GPR158: variants seen among roughly 807,000 people sequenced by gnomAD.
GPR158 encodes the protein metabotropic glycine receptor.
Under a neutral mutation model 78.2 loss-of-function variants are expected in GPR158, and 30 were observed. That is an observed-to-expected ratio of 0.38 (90% CI 0.29 to 0.52). The LOEUF is 0.52. GPR158 is among the 20% of genes least tolerant of loss of function. GPR158 has a pLI of 0.83. For missense variants in GPR158, 1,463 were observed against 1,523.5 expected, an observed-to-expected ratio of 0.96 and a Z score of 0.66; for synonymous variants, 581 against 591.1, an observed-to-expected ratio of 0.98 and a Z score of 0.25.
At chr10:25,406,290 A>G (rs1014079543) in intron 3 of GPR158, among the ~76,000 whole-genome samples, 2 of 152,160 alleles carry the variant, frequency 1.3e-5, no homozygotes, top group East Asian at 1.9e-4. Flanking sequence ...CCAGCCTTCC[A>G]TCTTCTGGAA....
intron 5 of GPR158, among the ~76,000 whole-genome samples, chr10:25,527,213 A>G (rs1027021396): frequency 1.3e-5 from 2 of 152,230 alleles, no homozygotes; most frequent in Non-Finnish European, 2.9e-5. Context: ...ACCTTTGTGC[A>G]AAATAATGAT....
intron 6 of GPR158, 108 bp downstream of exon 6, chr10:25,551,193 T>C: frequency 1.4e-6 from 1 of 713,214 alleles, no homozygotes; most frequent in Non-Finnish European, 2.6e-6. Flanking sequence ...TTCAAGAATT[T>C]ACATAGCAAG....
intron 2 of GPR158, among the ~76,000 whole-genome samples, chr10:25,311,361 A>G (rs939247295): frequency 2.0e-5 from 3 of 151,886 alleles, no homozygotes; most frequent in Non-Finnish European, 4.4e-5. Context: ...TATGTTTTAA[A>G]GTTTTTCTCA....
intron 2 of GPR158, among the ~76,000 whole-genome samples, chr10:25,326,290 C>A (rs1855031107): frequency 6.6e-6 from 1 of 152,144 alleles, no homozygotes; most frequent in Admixed American, 6.5e-5. Flanking sequence ...TGATATTATT[C>A]CTTTTTATGG....
chr10:25,294,620 T>C (rs189307424), intron 2 of GPR158, among the ~76,000 whole-genome samples: 1 of 108,066 alleles, frequency 9.3e-6, no homozygotes, highest in Non-Finnish European at 2.4e-5. Context: ...GCAAGAGGAA[T>C]GTGGAAAAAA....
chr10:25,249,724 T>C (rs1340148435), intron 2 of GPR158, among the ~76,000 whole-genome samples: 2 of 152,182 alleles, frequency 1.3e-5, no homozygotes, highest in South Asian at 2.1e-4. Context: ...CAGTATTTTA[T>C]TGATGATTTT....
chr10:25,339,712 TG>T, intron 2 of GPR158, among the ~76,000 whole-genome samples: 1 of 152,202 alleles, frequency 6.6e-6, no homozygotes, highest in African/African-American at 2.4e-5. Context: ...TGTCATGAAG[TG>T]GTTGAATTTT....
intron 2 of GPR158, among the ~76,000 whole-genome samples, chr10:25,256,039 G>C (rs1317994520): frequency 6.6e-6 from 1 of 152,140 alleles, no homozygotes; most frequent in Non-Finnish European, 1.5e-5. Context: ...TAGAATTGAA[G>C]TGTTGAGTTA....
chr10:25,512,337 C>T (rs1484355284), intron 5 of GPR158, among the ~76,000 whole-genome samples: 1 of 152,006 alleles, frequency 6.6e-6, no homozygotes, highest in East Asian at 1.9e-4. Context: ...TCTGCTTGGT[C>T]ACTGTTGGAA....
chr10:25,587,757 G>A (rs1249820697), intron 7 of GPR158, among the ~76,000 whole-genome samples: 14 of 152,098 alleles, frequency 9.2e-5, no homozygotes, highest in Admixed American at 9.2e-4. Context: ...GGGTTTTAGA[G>A]TAGCTCCTGA....
At chr10:25,347,996 T>A (rs1281469214) in intron 2 of GPR158, among the ~76,000 whole-genome samples, 1 of 151,890 alleles carries the variant, frequency 6.6e-6, no homozygotes, top group East Asian at 2.0e-4. Context: ...TTGCGGCAAA[T>A]GTCTGTTGGA....
intron 4 of GPR158, among the ~76,000 whole-genome samples, chr10:25,464,546 C>T (rs1304022408): frequency 6.6e-6 from 1 of 152,192 alleles, no homozygotes; most frequent in Non-Finnish European, 1.5e-5. Flanking sequence ...TTTAATAAAT[C>T]TGTCAGATTT....
intron 2 of GPR158, among the ~76,000 whole-genome samples, chr10:25,343,553 A>C (rs1035350348): frequency 6.6e-6 from 1 of 152,016 alleles, no homozygotes; most frequent in Non-Finnish European, 1.5e-5. Context: ...GTGATCTCAT[A>C]GTTTATCCCT....
At chr10:25,593,821 A>C (rs1359148417) in intron 8 of GPR158, among the ~76,000 whole-genome samples, 1 of 152,062 alleles carries the variant, frequency 6.6e-6, no homozygotes, top group Non-Finnish European at 1.5e-5. Flanking sequence ...AAATTGTTTT[A>C]TTTCAATGCT....
intron 2 of GPR158, among the ~76,000 whole-genome samples, chr10:25,348,345 T>C (rs1855402972): frequency 6.6e-6 from 1 of 151,234 alleles, no homozygotes; most frequent in Non-Finnish European, 1.5e-5. Context: ...TTAAAGGCTA[T>C]TCATACTGTT....
intron 2 of GPR158, among the ~76,000 whole-genome samples, chr10:25,239,934 C>T (rs927400770): frequency 6.6e-6 from 1 of 152,174 alleles, no homozygotes; most frequent in Admixed American, 6.5e-5. Context: ...CATACTGTAC[C>T]AGGAACTGTG....
chr10:25,495,840 T>C (rs1835872856), intron 5 of GPR158, among the ~76,000 whole-genome samples: 1 of 152,028 alleles, frequency 6.6e-6, no homozygotes, highest in Non-Finnish European at 1.5e-5. Flanking sequence ...AAATAAGAAA[T>C]TTTGCCTCCA....
chr10:25,539,698 G>A (rs1281004417), intron 5 of GPR158, among the ~76,000 whole-genome samples: 2 of 151,958 alleles, frequency 1.3e-5, no homozygotes, highest in African/African-American at 2.4e-5. Flanking sequence ...TTGTTTTGGG[G>A]TAATAGGAGC....
chr10:25,377,459 A>T (rs1834097041), intron 2 of GPR158, among the ~76,000 whole-genome samples: 1 of 152,004 alleles, frequency 6.6e-6, no homozygotes, highest in Non-Finnish European at 1.5e-5. Context: ...TCACAGAGTC[A>T]TGCAACCATC....
Sources: allele counts gnomAD v4.1 joint callset (sites outside exome capture counted in the v4.1 genomes callset), GRCh38; gene constraint gnomAD v4.1.1; transcripts MANE v1.5; gene names NCBI Gene and HGNC (gene_info 2026-07-23, HGNC 2026-07-21).